MYH2: variants seen among roughly 807,000 people sequenced by gnomAD.
The protein encoded by MYH2 is myosin-2.
Under a neutral mutation model 228.1 loss-of-function variants are expected in MYH2, and 139 were observed. The ratio of observed to expected loss-of-function variants is 0.61; its 90% CI spans 0.53 to 0.70. MYH2 has a LOEUF of 0.70. Among genes scored for constraint, MYH2 ranks in the 30% least tolerant of loss-of-function variants. The probability of loss-of-function intolerance (pLI) is 0.00; values close to 1 mark genes in which losing one functional copy is unlikely to be tolerated. For synonymous variants in MYH2, 796 were observed against 871.1 expected (o/e 0.91, Z 1.52); for missense variants, 1,809 against 2,357.5 (o/e 0.77, Z 4.82).
rs747657840 is a variant in MYH2 at position 10,545,379 on chromosome 17, T to C, written c.472A>G (p.Ile158Val). The C allele has an allele frequency of 3.7e-6, 6 of 1,613,762 alleles. No individual in the cohort carries two copies. In the Admixed American group the frequency reaches 5.0e-5, roughly 13 times the overall value. Residue 158 changes from isoleucine to valine, a missense_variant, in exon 5 of 40, where the codon ATC (isoleucine) becomes GTC (valine). Physicochemically the swap from Ile to Val is conservative, Grantham distance 29. This residue lies in a region of MYH2 where 373 missense variants were observed against 620.4 expected (regional missense o/e 0.60). Transcript: ENST00000245503. Reference sequence around the variant, plus strand: ...ATGAACTGATAGGCGTTGTCAGAGATGGAGAAGATGTGGGGCGGGGCCTCC... The same window carrying C: ...ATGAACTGATAGGCGTTGTCAGAGACGGAGAAGATGTGGGGCGGGGCCTCC... ...RQEAPPHIFS[I>V]SDNAYQFMLT...
chr17:10,522,971 T>C, intron 39 of MYH2, 119 bp downstream of exon 39: 1 of 720,914 alleles, frequency 1.4e-6, no homozygotes, highest in Non-Finnish European at 2.4e-6. Flanking sequence ...AGAATTATTG[T>C]ACAAAAACAA....
chr17:10,543,307 A>G lies in MYH2; in HGVS notation c.742-146T>C, dbSNP rs1013233360. 4.6e-6 allele frequency: 3 copies of G among 656,524 alleles called. No homozygotes were observed. In the East Asian group the frequency reaches 8.4e-5, roughly 18 times the overall value. 40.7% of individuals were successfully genotyped at this position (656,524 alleles called of 1,614,324 possible). On this transcript the variant is annotated intron_variant, in intron 8 of 39. Coordinates refer to ENST00000245503, the MANE Select transcript of MYH2 (RefSeq NM_017534.6). ...TAGAAAAAGGTGTATCTCCTATTTT[A>G]TAAGTAGAAGAGTTTTATCTTTGAT...
At position 10,526,860 on chromosome 17, in the gene MYH2, C is replaced by T. The variant is rs145184841; in HGVS notation, c.3991-65G>A. ...AATATTTAACTCTTAACTTTCAAAA[C>T]CTTTTGAAAGCTGGTATAACAGGCT... On this transcript the variant is annotated intron_variant, in intron 29 of 39. Coordinates refer to ENST00000245503, the MANE Select transcript of MYH2 (RefSeq NM_017534.6). The T allele has an allele frequency of 4.1e-4, 656 of 1,613,404 alleles. 1 individual carries two copies. In the African/African-American group the frequency reaches 7.8e-3, roughly 19 times the overall value.
chr17:10,540,042 T>C lies in MYH2; in HGVS notation c.1033A>G (p.Thr345Ala). ...TDSAIDILGF[T>A]NEEKVSIYKL... The stretch of plus-strand genomic sequence containing the variant: ...TAAATGGAGACCTTTTCTTCATTAG[T>C]AAAGCCCAAAATATCAATAGCACTC... Residue 345 changes from threonine to alanine, a missense_variant, in exon 12 of 40, where the codon ACT (threonine) becomes GCT (alanine). Around this residue, in one of 9 missense-constraint regions of MYH2, gnomAD observed 373 missense variants for 620.4 expected, o/e 0.60. Transcript: ENST00000245503. 1 of 1,614,056 alleles carries C rather than the reference T, an allele frequency of 6.2e-7. No individual in the cohort carries two copies. The highest frequency in any genetic ancestry group is 8.5e-7 in the Non-Finnish European group (1 of 1,179,984).
chr17:10,535,347 T>A lies in MYH2; in HGVS notation c.1993A>T (p.Met665Leu), dbSNP rs1230352118. ...GGATGGGTACTCCTGAGGTTGGTCATCAGCTTGTTCAAATTCTCCTGTAAA... is the reference window on the plus strand; with the variant it reads ...GGATGGGTACTCCTGAGGTTGGTCAACAGCTTGTTCAAATTCTCCTGTAAA... ...ALFRENLNKL[M>L]TNLRSTHPHF... Residue 665 changes from methionine (M) to leucine (L), a missense_variant, in exon 18 of 40, where the codon ATG becomes TTG. This residue lies in a region of MYH2 where 276 missense variants were observed against 344.2 expected (regional missense o/e 0.80). Transcript: ENST00000245503. The A allele has an allele frequency of 6.2e-7, 1 of 1,614,154 alleles. No individual in the cohort carries two copies. Among genetic ancestry groups the A allele is most frequent in the Non-Finnish European group, 8.5e-7 (1 of 1,180,006 alleles).
intron 10 of MYH2, among the ~76,000 whole-genome samples, chr17:10,541,512 A>G (rs1597456601): frequency 1.3e-5 from 2 of 152,162 alleles, no homozygotes; most frequent in South Asian, 4.1e-4. Context: ...ATCAATGACA[A>G]TGGGTGCCCA....
At chr17:10,541,669 A>G (rs1045340144) in intron 10 of MYH2, among the ~76,000 whole-genome samples, 1 of 152,142 alleles carries the variant, frequency 6.6e-6, no homozygotes, top group East Asian at 1.9e-4. Context: ...GAAAATCACT[A>G]ATAAAAACTT....
chr17:10,522,134 C>CCA (rs1398071191), intron 39 of MYH2, among the ~76,000 whole-genome samples: 4 of 152,148 alleles, frequency 2.6e-5, no homozygotes, highest in African/African-American at 9.7e-5. Context: ...ATGAACTGGA[C>CCA]AGCTTTCTAT....
chr17:10,531,982 C>T (rs563009867), intron 21 of MYH2, 94 bp from the exon 22 acceptor site: 13 of 1,493,190 alleles, frequency 8.7e-6, no homozygotes, highest in Non-Finnish European at 1.2e-5. Flanking sequence ...TCACCTTGTT[C>T]CTACTCTGCT....
rs1417070321 is a variant in MYH2 at position 10,531,737 on chromosome 17, T to C, written c.2593A>G (p.Ile865Val). 1 of 1,614,194 alleles carries C rather than the reference T, an allele frequency of 6.2e-7. No individual in the cohort carries two copies. Reference sequence around the variant, plus strand: ...TCTGACTTGGCAAGTTCGTCTTTAATTTTCTGAAATTCTTCCTTCATGGTG... The same window carrying C: ...TCTGACTTGGCAAGTTCGTCTTTAACTTTCTGAAATTCTTCCTTCATGGTG... ...MATMKEEFQKIKDELAKSEAK... is the reference protein window; with the variant it reads ...MATMKEEFQKVKDELAKSEAK... The change falls in exon 22 of 40, where the codon ATT becomes GTT. Residue 865 changes from isoleucine (I) to valine (V), a missense_variant. Physicochemically the swap from Ile to Val is conservative, Grantham distance 29 (BLOSUM62 3). Transcript: ENST00000245503.
At chr17:10,530,218 C>A (rs1010202405) in intron 22 of MYH2, 144 bp from the exon 23 acceptor site, 8 of 1,370,120 alleles carry the variant, frequency 5.8e-6, no homozygotes, top group Admixed American at 4.0e-5. Flanking sequence ...CATGAACCAC[C>A]CTACTGTGTA....
chr17:10,528,809 G>A lies in MYH2; in HGVS notation c.3625C>T (p.Leu1209Phe), dbSNP rs1354433840. Residue 1209 changes from leucine (L) to phenylalanine (F), a missense_variant, in exon 27 of 40, where the codon CTT becomes TTT. This residue lies in a region of MYH2 where 636 missense variants were observed against 729.9 expected (regional missense o/e 0.87). Transcript: ENST00000245503. ...TGCAGGTTGTCAATCTGCTCCCCAA[G>A]CTCGGCCACACTATCTGCATGCTTC... is the stretch of plus-strand genomic sequence containing the variant. ...RKKHADSVAE[L>F]GEQIDNLQRV... 6.2e-7 allele frequency: 1 copy of A among 1,614,136 alleles called. No individual in the cohort carries two copies. The highest frequency in any genetic ancestry group is 8.5e-7 in the Non-Finnish European group (1 of 1,180,026).
At chr17:10,542,072 G>A (rs530202493) in intron 10 of MYH2, among the ~76,000 whole-genome samples, 6 of 152,238 alleles carry the variant, frequency 3.9e-5, no homozygotes, top group Admixed American at 2.6e-4. Flanking sequence ...TCAGGAGTTC[G>A]AGACCAGCCT....
intron 4 of MYH2, among the ~76,000 whole-genome samples, chr17:10,546,804 G>A (rs2073639885): frequency 6.6e-6 from 1 of 151,926 alleles, no homozygotes; most frequent in Non-Finnish European, 1.5e-5. Flanking sequence ...TGTAGGCCAG[G>A]CATGATGGCT....
rs1005397841 is a variant in MYH2 at position 10,528,625 on chromosome 17, T to G, written c.3744+65A>C. 5 of 1,611,460 alleles carry G rather than the reference T, an allele frequency of 3.1e-6. No homozygotes were observed. In the African/African-American group the frequency reaches 4.0e-5, roughly 13 times the overall value. On this transcript the variant is annotated intron_variant, in intron 27 of 39. Coordinates refer to ENST00000245503, the MANE Select transcript of MYH2 (RefSeq NM_017534.6). Reference sequence around the variant, plus strand: ...ATGACTTAATGTGTAAAAAGTGCCCTGTGCAAACTATGATGTGTCCATAAT... The same window carrying G: ...ATGACTTAATGTGTAAAAAGTGCCCGGTGCAAACTATGATGTGTCCATAAT...
At chr17:10,526,561 A>G in intron 30 of MYH2, 38 bp downstream of exon 30, 1 of 1,613,252 alleles carries the variant, frequency 6.2e-7, no homozygotes, top group Non-Finnish European at 8.5e-7. Context: ...TTCAATATGC[A>G]AAGTTTTCTG....
chr17:10,529,949 C>G lies in MYH2; in HGVS notation c.2823G>C (p.Glu941Asp). ...CCAGTTTCCTCTTCTTGGCTGTCAG[C>G]TCAGCATTGATCTCTTCCTCATCCT... is the stretch of plus-strand genomic sequence containing the variant. The part of the protein sequence containing the change: ...RAEDEEEINA[E>D]LTAKKRKLED... The change falls in exon 23 of 40, where the codon GAG becomes GAC. Residue 941 changes from glutamate to aspartate, a missense_variant. Glu to Asp is a conservative substitution (Grantham distance 45, BLOSUM62 2). Coordinates refer to ENST00000245503, the MANE Select transcript of MYH2 (RefSeq NM_017534.6). 4 of 1,613,752 alleles carry G rather than the reference C, an allele frequency of 2.5e-6. No individual in the cohort carries two copies. The highest frequency in any genetic ancestry group is 3.4e-6 in the Non-Finnish European group (4 of 1,179,756).
rs983899471 is a variant in MYH2, at chr17:10,547,521, G to T, written c.302C>A (p.Ala101Asp). The change falls in exon 4 of 40, where the codon GCT becomes GAT. Residue 101 changes from alanine to aspartate, a missense_variant. This residue lies in a region of MYH2 where 373 missense variants were observed against 620.4 expected (regional missense o/e 0.60). Transcript: ENST00000245503. ...ACGTTCTTTGAGGTTGTACAGCACA[G>T]CAGGCTCATGCAGATGAGTCATCAT... Reference protein sequence around the residue: ...MAMMTHLHEPAVLYNLKERYA... With the variant: ...MAMMTHLHEPDVLYNLKERYA... 6.2e-7 allele frequency: 1 copy of T among 1,614,154 alleles called. No homozygotes were observed. Among genetic ancestry groups the T allele is most frequent in the Admixed American group, 1.7e-5 (1 of 60,028 alleles).
chr17:10,540,942 G>A (rs1448206780), intron 10 of MYH2, among the ~76,000 whole-genome samples: 1 of 152,126 alleles, frequency 6.6e-6, no homozygotes, highest in Non-Finnish European at 1.5e-5. Flanking sequence ...AACATAAATT[G>A]TGACGATTTC....
Sources: allele counts gnomAD v4.1 joint callset (sites outside exome capture counted in the v4.1 genomes callset), GRCh38; gene constraint gnomAD v4.1.1; regional missense constraint gnomAD v4.1.1; transcripts MANE v1.5; gene names NCBI Gene and HGNC (gene_info 2026-07-23, HGNC 2026-07-21).